Variants in LARP4B observed in about 807,000 individuals in gnomAD.
LARP4B encodes la-related protein 4B.
Under a neutral mutation model 89.8 loss-of-function variants are expected in LARP4B, and 12 were observed. The ratio of observed to expected loss-of-function variants is 0.13; its 90% confidence interval spans 0.09 to 0.22. The LOEUF (loss-of-function observed/expected upper bound fraction) is 0.22, where lower values mean the gene tolerates loss of function less well. Ranked by LOEUF, LARP4B falls within the 10% of genes least tolerant of loss-of-function variation. LARP4B has a pLI of 1.00. For missense variants in LARP4B, 757 were observed against 947.7 expected (o/e 0.80, Z 2.64); for synonymous variants, 367 against 363.3 (o/e 1.01, Z -0.12).
rs531887982 is a variant in LARP4B at position 822,396 on chromosome 10, C to T, written c.1485-1551G>A. ...CCAAGGGCAGCCTGCTCGTCACTAC[C>T]GGCTGGGACGCAGGGGCACCCATCC... is the stretch of plus-strand genomic sequence containing the variant. On this transcript the variant is annotated intron_variant, in intron 13 of 17. Coordinates refer to ENST00000316157, the MANE Select transcript of LARP4B (RefSeq NM_015155.3). This position sits in a 1 kb window ranked among gnomAD's most constrained non-coding sequence, Gnocchi z 4.6. Among the ~76,000 whole-genome samples, 3 of 152,318 alleles carry T rather than the reference C, an allele frequency of 2.0e-5. No individual in the cohort carries two copies. The highest frequency in any genetic ancestry group is 2.1e-4 in the South Asian group (1 of 4,828).
At chr10:916,309 T>C (rs976175515) in intron 1 of LARP4B, among the ~76,000 whole-genome samples, 1 of 152,232 alleles carries the variant, frequency 6.6e-6, no homozygotes, top group Non-Finnish European at 1.5e-5. Context: ...TTGTTCTACT[T>C]TGACTCTTCT....
At chr10:843,166 G>T in intron 6 of LARP4B, 98 bp from the exon 7 acceptor site, 2 of 1,055,690 alleles carry the variant, frequency 1.9e-6, no homozygotes, top group Non-Finnish European at 2.8e-6. Flanking sequence ...GTGTGGCATG[G>T]TATTGCTTTG....
At chr10:831,502 G>C (rs140215983) in intron 8 of LARP4B, among the ~76,000 whole-genome samples, 7 of 152,294 alleles carry the variant, frequency 4.6e-5, no homozygotes, top group African/African-American at 1.7e-4. Flanking sequence ...CTGGGCCGCA[G>C]AGCCGGCAGG....
chr10:900,919 C>CTTTTTTT (rs34586444), intron 1 of LARP4B, among the ~76,000 whole-genome samples: 1 of 101,210 alleles, frequency 9.9e-6, no homozygotes, highest in Non-Finnish European at 2.0e-5. Flanking sequence ...CGCCTGGCCT[C>CTTTTTTT]TTTTTTTTTT....
At position 810,122 on chromosome 10, in the gene LARP4B, C is replaced by A. The variant is rs1486293137; in HGVS notation, c.*2804G>T. 1 of 151,950 alleles carries A rather than the reference C, an allele frequency of 6.6e-6. No homozygotes were observed. Among genetic ancestry groups the A allele is most frequent in the Non-Finnish European group, 1.5e-5 (1 of 68,002 alleles). The allele number at this position is 151,950 out of a possible 1,614,324, so 9.4% of individuals were successfully genotyped here. A position where few individuals can be genotyped will look rare whatever the true frequency, so the allele number is the denominator to read the frequency against. The stretch of plus-strand genomic sequence containing the variant: ...GTTAAAATGCCATTTGTCACTGCTG[C>A]ATCTCTGATTCTATAACCTGAGATA... On this transcript the variant is annotated 3_prime_UTR_variant, in exon 18 of 18. Transcript: ENST00000316157.
chr10:871,486 C>T (rs1382441916), intron 3 of LARP4B, among the ~76,000 whole-genome samples: 2 of 151,998 alleles, frequency 1.3e-5, no homozygotes, highest in African/African-American at 4.8e-5. Flanking sequence ...ACTCAAAAGC[C>T]CTTACACCAT....
chr10:891,613 C>G (rs1173709587), intron 1 of LARP4B, among the ~76,000 whole-genome samples: 1 of 152,160 alleles, frequency 6.6e-6, no homozygotes, highest in Non-Finnish European at 1.5e-5. Context: ...GTTCACTATA[C>G]TATTCTGTCT....
chr10:881,268 C>A (rs1416831120), intron 3 of LARP4B, among the ~76,000 whole-genome samples: 1 of 152,168 alleles, frequency 6.6e-6, no homozygotes, highest in Non-Finnish European at 1.5e-5. Flanking sequence ...CTTTCAATCC[C>A]CTCTCGCCTT....
the LARP4B span, among the ~76,000 whole-genome samples, chr10:977,624 C>T: frequency 4.6e-5 from 7 of 151,878 alleles, no homozygotes; most frequent in Admixed American, 1.3e-4. Flanking sequence ...CGTGAGCCAA[C>T]GTGCTGGCCT....
chr10:853,805 T>C (rs1252330754), intron 5 of LARP4B, among the ~76,000 whole-genome samples: 2 of 152,236 alleles, frequency 1.3e-5, no homozygotes, highest in Non-Finnish European at 2.9e-5. Context: ...TTCAGGATGG[T>C]GGCTGCTGAA....
the LARP4B span, among the ~76,000 whole-genome samples, chr10:962,508 T>C: frequency 7.4e-4 from 112 of 152,190 alleles, no homozygotes; most frequent in Middle Eastern, 3.4e-3. Flanking sequence ...GAATTTGGCT[T>C]CCTTGACACA....
intron 3 of LARP4B, 73 bp from the exon 4 acceptor site, chr10:864,343 T>A: frequency 6.7e-7 from 1 of 1,482,394 alleles, no homozygotes; most frequent in South Asian, 1.2e-5. Flanking sequence ...TAATGCAGAG[T>A]TAAGAGACAT....
the LARP4B span, among the ~76,000 whole-genome samples, chr10:965,081 G>C: frequency 3.3e-5 from 5 of 152,200 alleles, no homozygotes; most frequent in African/African-American, 4.8e-5. Context: ...GGGAGTGGAC[G>C]GGGGACCTGC....
At chr10:893,357 A>G (rs1325749698) in intron 1 of LARP4B, among the ~76,000 whole-genome samples, 1 of 152,354 alleles carries the variant, frequency 6.6e-6, no homozygotes, top group East Asian at 1.9e-4. Context: ...TAAAGTTGAT[A>G]AGAATTTCCT....
intron 7 of LARP4B, among the ~76,000 whole-genome samples, chr10:836,778 T>C (rs1286614460): frequency 6.6e-6 from 1 of 152,228 alleles, no homozygotes; most frequent in Non-Finnish European, 1.5e-5. Context: ...AACGGCTTTC[T>C]CCTTTCCACC....
At chr10:921,337 G>A (rs554987739) in intron 1 of LARP4B, among the ~76,000 whole-genome samples, 2 of 152,118 alleles carry the variant, frequency 1.3e-5, no homozygotes, top group Admixed American at 6.5e-5. Context: ...TATTTGCCTT[G>A]CTCATATAAT....
chr10:855,279 G>GTT (rs1429506499), intron 5 of LARP4B, among the ~76,000 whole-genome samples: 2 of 152,148 alleles, frequency 1.3e-5, no homozygotes, highest in Admixed American at 1.3e-4. Context: ...TTGGTTAACT[G>GTT]TTTGGCTCCA....
Position 825,172 on chromosome 10 carries a change from T to C in LARP4B, c.1377A>G (p.Gln459=), listed in dbSNP as rs758124632. The C allele has an allele frequency of 6.2e-7, 1 of 1,614,104 alleles. No individual in the cohort carries two copies. Among genetic ancestry groups the C allele is most frequent in the African/African-American group, 1.3e-5 (1 of 74,936 alleles). ...VRSPQTRQAG[Q]TRTRIQNPSA... ...AAGGGTTTTGAATCCGTGTTCTAGTTTGACCTGCTTGCCTTGTTTGTGGAC... is the reference window on the plus strand; with the variant it reads ...AAGGGTTTTGAATCCGTGTTCTAGTCTGACCTGCTTGCCTTGTTTGTGGAC... Residue 459 remains glutamine (Q), a synonymous_variant, in exon 13 of 18, where the codon CAA becomes CAG. Transcript: ENST00000316157.
the LARP4B span, chr10:971,100 G>A: frequency 4.6e-5 from 7 of 152,180 alleles, no homozygotes; most frequent in Non-Finnish European, 8.8e-5. Flanking sequence ...TTTTAGAAAA[G>A]AGTTATTTGG....
Sources: gnomAD v4.1 joint callset for allele counts (sites outside exome capture counted in the v4.1 genomes callset) on GRCh38, gnomAD v4.1.1 for gene constraint, Gnocchi (gnomAD v3.1) non-coding constraint, MANE v1.5 for transcripts, NCBI Gene and HGNC (gene_info 2026-07-23, HGNC 2026-07-21) for gene names.